Variants in LRRC4C observed in about 807,000 individuals in gnomAD.
LRRC4C encodes the protein leucine rich repeat containing 4C.
LRRC4C carries 5 observed loss-of-function variants against 33.6 expected under a neutral mutation model. That is an observed-to-expected ratio of 0.15 (90% CI 0.08 to 0.31). The LOEUF is 0.31. Among genes scored for constraint, LRRC4C ranks in the 10% least tolerant of loss-of-function variants. The pLI is 1.00. For missense variants in LRRC4C, 560 were observed against 796.7 expected (o/e 0.70, Z 3.58); for synonymous variants, 329 against 302.0 (o/e 1.09, Z -0.93).
intron 3 of LRRC4C, among the ~76,000 whole-genome samples, chr11:40,340,988 G>A (rs900677871): frequency 2.0e-5 from 3 of 152,248 alleles, no homozygotes; most frequent in East Asian, 3.9e-4. Flanking sequence ...TGTTTTGGTC[G>A]TGAGTGCAGC....
intron 2 of LRRC4C, among the ~76,000 whole-genome samples, chr11:40,903,721 G>C (rs1238094248): frequency 6.6e-6 from 1 of 152,090 alleles, no homozygotes; most frequent in East Asian, 1.9e-4. Context: ...AAAATAGTTA[G>C]AAAGAATGAC....
At chr11:41,186,667 G>A (rs1171230000) in intron 1 of LRRC4C, among the ~76,000 whole-genome samples, 3 of 152,070 alleles carry the variant, frequency 2.0e-5, no homozygotes, top group Non-Finnish European at 4.4e-5. Flanking sequence ...ATACTACTTA[G>A]TAATCTGTAT....
chr11:41,129,325 T>G lies in LRRC4C; in HGVS notation c.-495-195602A>C, dbSNP rs554407362. ...TACCAAGCTTCCCAAACCCCATATA[T>G]TGGTGGAAGTATATGTTACTTTTTC... is the stretch of plus-strand genomic sequence containing the variant. On this transcript the variant is annotated intron_variant, in intron 1 of 6. Coordinates refer to ENST00000528697, the MANE Select transcript of LRRC4C (RefSeq NM_001258419.2). Among the ~76,000 whole-genome samples, 10 of 152,090 alleles carry G rather than the reference T, an allele frequency of 6.6e-5. No individual in the cohort carries two copies. In the South Asian group the frequency reaches 2.1e-3, roughly 31 times the overall value.
intron 1 of LRRC4C, among the ~76,000 whole-genome samples, chr11:41,234,636 A>G (rs781029807): frequency 5.9e-5 from 9 of 152,096 alleles, no homozygotes; most frequent in Non-Finnish European, 1.0e-4. Context: ...GAGATGGATG[A>G]AAAGATTAGT....
At position 40,187,083 on chromosome 11, in the gene LRRC4C, G is replaced by A. The variant is rs575608159; in HGVS notation, c.-95-46230C>T. On this transcript the variant is annotated intron_variant, in intron 5 of 6. Coordinates refer to ENST00000528697, the MANE Select transcript of LRRC4C (RefSeq NM_001258419.2). ...CGGCGACTGCCTGGGGCTCAAATCG[G>A]ATCATCTCTCCCTGCCTGGGAAAAA... Among the ~76,000 whole-genome samples, 20 of 152,198 alleles carry A rather than the reference G, an allele frequency of 1.3e-4. 1 individual carries two copies. In the South Asian group the frequency reaches 4.1e-3, roughly 32 times the overall value.
At chr11:41,259,228 C>G (rs1948897989) in intron 1 of LRRC4C, among the ~76,000 whole-genome samples, 1 of 151,972 alleles carries the variant, frequency 6.6e-6, no homozygotes, top group African/African-American at 2.4e-5. Context: ...GATTCTTCTT[C>G]TCTTTCCCAC....
intron 3 of LRRC4C, among the ~76,000 whole-genome samples, chr11:40,612,735 T>C (rs1053434765): frequency 2.6e-5 from 4 of 151,868 alleles, no homozygotes; most frequent in Non-Finnish European, 5.9e-5. Context: ...GCTGATGTTT[T>C]AAAAAATATT....
Position 40,849,122 on chromosome 11 carries a change from G to C in LRRC4C, c.-407+84513C>G, listed in dbSNP as rs1040818044. Among the ~76,000 whole-genome samples, 3 of 151,984 alleles carry C rather than the reference G, an allele frequency of 2.0e-5. No homozygotes were observed. The East Asian group carries it at 5.8e-4, about 29-fold the overall frequency. ...TTGCCAGTCTGTGCCTTTTAATTGG[G>C]GTATTTGGCCAGTTTACATTTAAGT... On this transcript the variant is annotated intron_variant, in intron 2 of 6. Transcript: ENST00000528697.
chr11:40,323,547 G>A (rs1167095309), intron 3 of LRRC4C, among the ~76,000 whole-genome samples: 5 of 152,072 alleles, frequency 3.3e-5, no homozygotes, highest in Admixed American at 1.3e-4. Flanking sequence ...ACATCACCAG[G>A]GAATAATGTT....
chr11:40,972,946 C>A (rs1385394942), intron 1 of LRRC4C, among the ~76,000 whole-genome samples: 1 of 152,184 alleles, frequency 6.6e-6, no homozygotes, highest in Non-Finnish European at 1.5e-5. Context: ...ATCATGGGGG[C>A]AGTTTCTCAT....
chr11:40,974,665 G>A (rs991981665), intron 1 of LRRC4C, among the ~76,000 whole-genome samples: 4 of 152,196 alleles, frequency 2.6e-5, no homozygotes, highest in South Asian at 4.1e-4. Flanking sequence ...TTACACTTAG[G>A]TGTGTCTGAG....
At chr11:41,162,099 A>T (rs906123261) in intron 1 of LRRC4C, among the ~76,000 whole-genome samples, 35 of 152,044 alleles carry the variant, frequency 2.3e-4, no homozygotes, top group African/African-American at 8.2e-4. Context: ...CTAAATTTGG[A>T]AGAAATACAA....
At chr11:40,758,115 C>T (rs1239340835) in intron 2 of LRRC4C, among the ~76,000 whole-genome samples, 1 of 152,068 alleles carries the variant, frequency 6.6e-6, no homozygotes, top group Non-Finnish European at 1.5e-5. Flanking sequence ...GAGCAAGCAT[C>T]AGTCACCATT....
intron 3 of LRRC4C, among the ~76,000 whole-genome samples, chr11:40,557,810 A>T (rs1168198501): frequency 6.6e-6 from 1 of 152,154 alleles, no homozygotes; most frequent in Non-Finnish European, 1.5e-5. Flanking sequence ...GAATCCTATG[A>T]GCCTTCAATG....
At chr11:41,432,038 G>C (rs1336846862) in intron 1 of LRRC4C, among the ~76,000 whole-genome samples, 1 of 152,166 alleles carries the variant, frequency 6.6e-6, no homozygotes, top group East Asian at 1.9e-4. Flanking sequence ...TCACCAGCGA[G>C]AAAAGTTAGG....
intron 3 of LRRC4C, among the ~76,000 whole-genome samples, chr11:40,478,634 C>T (rs1953376962): frequency 6.6e-6 from 1 of 152,174 alleles, no homozygotes; most frequent in Non-Finnish European, 1.5e-5. Context: ...TGTTGGTTTG[C>T]TGTACCCATT....
At chr11:40,746,719 C>T (rs1475884764) in intron 2 of LRRC4C, among the ~76,000 whole-genome samples, 1 of 152,108 alleles carries the variant, frequency 6.6e-6, no homozygotes, top group African/African-American at 2.4e-5. Flanking sequence ...ATTGCTCTGC[C>T]CAGTCCATCA....
chr11:40,937,231 G>C (rs1315266847), intron 1 of LRRC4C, among the ~76,000 whole-genome samples: 9 of 146,896 alleles, frequency 6.1e-5, no homozygotes, highest in Non-Finnish European at 1.2e-4. Flanking sequence ...ACCAAATACA[G>C]AATGTTCTCA....
intron 1 of LRRC4C, among the ~76,000 whole-genome samples, chr11:41,233,688 A>T (rs1947899865): frequency 6.6e-6 from 1 of 152,056 alleles, no homozygotes; most frequent in Non-Finnish European, 1.5e-5. Context: ...AATATGATAA[A>T]CTAAACACAG....
Sources: allele counts gnomAD v4.1 joint callset (sites outside exome capture counted in the v4.1 genomes callset), GRCh38; gene constraint gnomAD v4.1.1; transcripts MANE v1.5; gene names NCBI Gene and HGNC (gene_info 2026-07-23, HGNC 2026-07-21).